Variants in ATIC observed in about 807,000 individuals in gnomAD.
The protein encoded by ATIC is 5-aminoimidazole-4-carboxamide ribonucleotide formyltransferase/IMP cyclohydrolase.
In ATIC, 64 loss-of-function variants were observed where a neutral mutation model predicts 72.5. The observed-to-expected ratio is 0.88, with a 90% CI of 0.72 to 1.09. The LOEUF is 1.09. Among genes scored for constraint, ATIC ranks in the 50% least tolerant of loss-of-function variants. The pLI is 0.00. For synonymous variants in ATIC, 281 were observed against 267.1 expected, an observed-to-expected ratio of 1.05 and a Z score of -0.51; for missense variants, 787 against 732.4, an observed-to-expected ratio of 1.07 and a Z score of -0.86.
chr2:215,364,867 A>G, the ATIC span: 2 of 1,535,430 alleles, frequency 1.3e-6, no homozygotes, highest in African/African-American at 2.7e-5. Context: ...AGCCTGGCAC[A>G]TCCAGTCTTA....
At chr2:215,340,052 C>T (rs915820158) in intron 12 of ATIC, among the ~76,000 whole-genome samples, 5 of 152,088 alleles carry the variant, frequency 3.3e-5, no homozygotes, top group Non-Finnish European at 7.4e-5. Context: ...TGCAGTGGTG[C>T]GATCATAGCT....
At chr2:215,358,215 A>AACAAT in the ATIC span, among the ~76,000 whole-genome samples, 40,065 of 152,020 alleles carry the variant, frequency 0.26, 6,042 homozygotes, top group South Asian at 0.47. Context: ...TATAAAATGT[A>AACAAT]ACATTTTATT....
At chr2:215,348,640 T>C in intron 14 of ATIC, 1 of 429,128 alleles carries the variant, frequency 2.3e-6, no homozygotes. Flanking sequence ...TATGTGAACT[T>C]CCATGTAAAT....
rs369914890 is a variant in ATIC, at chr2:215,338,912, G to T, written c.1227+5G>T. The T allele has an allele frequency of 1.2e-5, 19 of 1,613,006 alleles. No individual in the cohort carries two copies. Among genetic ancestry groups the T allele is most frequent in the Non-Finnish European group, 1.6e-5 (19 of 1,179,348 alleles). ...GTTGTTACCAAAAATAAAGATGTAAGTTGGGAAGTATCTGAACTGACTGCT... is the reference window on the plus strand; with the variant it reads ...GTTGTTACCAAAAATAAAGATGTAATTTGGGAAGTATCTGAACTGACTGCT... On this transcript the variant is annotated splice_donor_5th_base_variant and intron_variant, in intron 12 of 15. Transcript: ENST00000236959.
intron 12 of ATIC, among the ~76,000 whole-genome samples, chr2:215,341,821 G>A (rs2053021468): frequency 6.6e-6 from 1 of 152,148 alleles, no homozygotes; most frequent in Non-Finnish European, 1.5e-5. Flanking sequence ...GATGCCAAGT[G>A]TATTAGTTTT....
intron 1 of ATIC, 107 bp downstream of exon 1, chr2:215,312,268 G>T: frequency 1.4e-6 from 2 of 1,450,988 alleles, no homozygotes; most frequent in South Asian, 1.4e-5. Context: ...CGGCGCTGCG[G>T]GATTGAAAGC....
intron 7 of ATIC, among the ~76,000 whole-genome samples, chr2:215,330,067 A>G (rs1056661434): frequency 6.6e-6 from 1 of 152,166 alleles, no homozygotes; most frequent in Admixed American, 6.5e-5. Context: ...CCATCCAGAT[A>G]CGCTTAACTA....
At chr2:215,348,136 A>G (rs945435182) in intron 14 of ATIC, among the ~76,000 whole-genome samples, 1 of 152,190 alleles carries the variant, frequency 6.6e-6, no homozygotes, top group Non-Finnish European at 1.5e-5. Flanking sequence ...TAAAGGCCTT[A>G]TACTTCTTAA....
intron 13 of ATIC, chr2:215,345,200 G>A: frequency 2.7e-6 from 1 of 374,318 alleles, no homozygotes; most frequent in Middle Eastern, 8.7e-4. Flanking sequence ...TTCCAGGGAA[G>A]AGGAGGTAAG....
At chr2:215,312,402 GC>G (rs2052663124) in intron 1 of ATIC, 95 bp from the exon 2 acceptor site, 3 of 1,601,482 alleles carry the variant, frequency 1.9e-6, no homozygotes, top group Non-Finnish European at 2.6e-6. Context: ...TGCTGGCCTT[GC>G]GATTCGAGAA....
intron 4 of ATIC, among the ~76,000 whole-genome samples, chr2:215,324,985 T>C (rs1181988203): frequency 1.3e-5 from 2 of 152,160 alleles, no homozygotes; most frequent in African/African-American, 2.4e-5. Context: ...AGCGTTGCAG[T>C]GTGACGTGGA....
the ATIC span, among the ~76,000 whole-genome samples, chr2:215,357,785 T>G: frequency 6.6e-6 from 1 of 152,166 alleles, no homozygotes; most frequent in South Asian, 2.1e-4. Flanking sequence ...GTGTTTCTTC[T>G]GCTTTATCAG....
intron 4 of ATIC, among the ~76,000 whole-genome samples, chr2:215,322,896 G>A (rs559208415): frequency 1.4e-4 from 22 of 152,244 alleles, no homozygotes; most frequent in South Asian, 6.2e-4. Context: ...AAATCAGCAA[G>A]TGTGAGTCCT....
chr2:215,327,074 A>G (rs1575117433), intron 7 of ATIC, 96 bp downstream of exon 7: 1 of 1,573,010 alleles, frequency 6.4e-7, no homozygotes, highest in Non-Finnish European at 8.7e-7. Context: ...AGAAGATGAT[A>G]CATTCCGTAA....
At chr2:215,337,298 C>T (rs541851966) in intron 11 of ATIC, among the ~76,000 whole-genome samples, 3 of 151,900 alleles carry the variant, frequency 2.0e-5, no homozygotes, top group Non-Finnish European at 4.4e-5. Flanking sequence ...TGTAAGATAC[C>T]AATAATTTTA....
At chr2:215,353,688 A>C (rs1413782312), downstream of ATIC, among the ~76,000 whole-genome samples, 1 of 151,966 alleles carries the variant, frequency 6.6e-6, no homozygotes, top group Non-Finnish European at 1.5e-5. Context: ...CAACCTCTTG[A>C]GTAGCTGGGA....
chr2:215,367,692 C>T, the ATIC span: 4 of 695,728 alleles, frequency 5.7e-6, no homozygotes, highest in Non-Finnish European at 1.0e-5. Flanking sequence ...AGTAAAATTT[C>T]CCATCATTTT....
chr2:215,368,304 T>C, the ATIC span, among the ~76,000 whole-genome samples: 1 of 152,196 alleles, frequency 6.6e-6, no homozygotes. Context: ...TCATAGAACA[T>C]GGAACAGATC....
intron 7 of ATIC, among the ~76,000 whole-genome samples, chr2:215,329,745 G>T (rs1384435057): frequency 6.6e-6 from 1 of 151,946 alleles, no homozygotes; most frequent in South Asian, 2.1e-4. Context: ...TTGAAAATTT[G>T]ATATTTGAAG....
Sources: allele counts gnomAD v4.1 joint callset (sites outside exome capture counted in the v4.1 genomes callset), GRCh38; gene constraint gnomAD v4.1.1; transcripts MANE v1.5; gene names NCBI Gene and HGNC (gene_info 2026-07-23, HGNC 2026-07-21).